The following CRABP1 variants were observed in gnomAD, a reference collection of about 807,000 sequenced individuals.
CRABP1 encodes the protein cellular retinoic acid binding protein 1.
In CRABP1, 9 loss-of-function variants were observed where a neutral mutation model predicts 16.4. The ratio of observed to expected loss-of-function variants is 0.55; its 90% CI spans 0.33 to 0.96. The LOEUF is 0.96. CRABP1 is among the 40% of genes least tolerant of loss of function. The pLI is 0.03. For synonymous variants in CRABP1, 72 were observed against 70.4 expected, an observed-to-expected ratio of 1.02 and a Z score of -0.11; for missense variants, 157 against 186.0, an observed-to-expected ratio of 0.84 and a Z score of 0.91.
chr15:78,345,529 T>C (rs796905271), intron 3 of CRABP1, among the ~76,000 whole-genome samples: 4 of 152,240 alleles, frequency 2.6e-5, no homozygotes, highest in African/African-American at 9.6e-5. Flanking sequence ...ATTTTAGAGT[T>C]TTAGAATGTA....
rs369671248 is a variant in CRABP1, at chr15:78,340,606, A to G, written c.70+108A>G. 1,091 of 1,276,198 alleles carry G rather than the reference A, an allele frequency of 8.5e-4. 12 individuals are homozygous for G. The African/African-American group carries it at 0.015, about 17-fold the overall frequency. 79.1% of individuals were successfully genotyped at this position (1,276,198 alleles called of 1,614,324 possible). ...GGGGTGGAAGTTGGGGAGCCCAGGC[A>G]GGAGGGAGTCCCCGGGGCAATAGAT... is the stretch of plus-strand genomic sequence containing the variant. On this transcript the variant is annotated intron_variant, in intron 1 of 3. Coordinates refer to ENST00000299529, the MANE Select transcript of CRABP1 (RefSeq NM_004378.3).
At chr15:78,347,834 AC>A (rs2053051472) in intron 3 of CRABP1, 92 bp from the exon 4 acceptor site, 2 of 1,160,962 alleles carry the variant, frequency 1.7e-6, no homozygotes, top group African/African-American at 3.1e-5. Context: ...AGAGTTTTTA[AC>A]AGGGCAATAA....
At chr15:78,346,515 A>C (rs563673021) in intron 3 of CRABP1, among the ~76,000 whole-genome samples, 55 of 152,308 alleles carry the variant, frequency 3.6e-4, no homozygotes, top group African/African-American at 1.3e-3. Flanking sequence ...AAAAATACCC[A>C]AAAATTAGCT....
chr15:78,343,960 C>T (rs1267715506), intron 3 of CRABP1, among the ~76,000 whole-genome samples: 1 of 152,228 alleles, frequency 6.6e-6, no homozygotes, highest in Non-Finnish European at 1.5e-5. Flanking sequence ...CCCACGCTCA[C>T]ATGGCAGAAG....
Position 78,341,143 on chromosome 15 carries a change from C to T in CRABP1, c.171C>T (p.Thr57=), listed in dbSNP as rs144623327. ...ATCAGTTCTACATCAAGACATCCAC[C>T]ACGGTGCGCACCACTGAGATCAACT... ...DGDQFYIKTS[T]TVRTTEINFK... is the part of the protein sequence containing the mutation. Residue 57 remains threonine, a synonymous_variant, in exon 2 of 4, where the codon ACC becomes ACT. Coordinates refer to ENST00000299529, the MANE Select transcript of CRABP1 (RefSeq NM_004378.3). The surrounding 1 kb of genome is among the most constrained non-coding windows in gnomAD (Gnocchi z 5.3). 4 of 1,612,908 alleles carry T rather than the reference C, an allele frequency of 2.5e-6. No homozygotes were observed. Among genetic ancestry groups the T allele is most frequent in the Non-Finnish European group, 3.4e-6 (4 of 1,179,588 alleles).
At position 78,342,000 on chromosome 15, in the gene CRABP1, A is replaced by T. The variant is rs941607764; in HGVS notation, c.249+779A>T. Reference sequence around the variant, plus strand: ...CAGAATGTCTCCCTCCCCTTCTCCAATTTTTTTTTTTTAAAGAAAAAAGTC... The same window carrying T: ...CAGAATGTCTCCCTCCCCTTCTCCATTTTTTTTTTTTTAAAGAAAAAAGTC... On this transcript the variant is annotated intron_variant, in intron 2 of 3. Coordinates refer to ENST00000299529, the MANE Select transcript of CRABP1 (RefSeq NM_004378.3). The surrounding 1 kb of genome is among the most constrained non-coding windows in gnomAD (Gnocchi z 5.3). Among the ~76,000 whole-genome samples, 14 of 147,184 alleles carry T rather than the reference A, an allele frequency of 9.5e-5. No homozygotes were observed. Among genetic ancestry groups the T allele is most frequent in the Non-Finnish European group, 1.7e-4 (11 of 66,344 alleles).
intron 3 of CRABP1, among the ~76,000 whole-genome samples, chr15:78,345,703 G>A (rs1033189959): frequency 3.3e-5 from 5 of 152,056 alleles, no homozygotes; most frequent in African/African-American, 1.2e-4. Context: ...ATTCTTCCCT[G>A]GCACAGCAAA....
intron 1 of CRABP1, chr15:78,340,739 G>GC: frequency 1.7e-6 from 1 of 603,068 alleles, no homozygotes; most frequent in Non-Finnish European, 2.9e-6. Context: ...TCGATGGTGC[G>GC]GACTTTATCT....
In CRABP1 at chr15:78,341,600, AG is replaced by A; in HGVS notation, c.249+380del. 1 of 296,414 alleles carries A rather than the reference AG, an allele frequency of 3.4e-6. No individual in the cohort carries two copies. The highest frequency in any genetic ancestry group is 1.2e-3 in the Middle Eastern group (1 of 810). The allele number at this position is 296,414 out of a possible 1,614,324, so 18.4% of individuals were successfully genotyped here. A position where few individuals can be genotyped will look rare whatever the true frequency, so the allele number is the denominator to read the frequency against. ...GGTTCTCTGTCGCAGGTGAAGCCGC[AG>A]CTCTTGCATTCCTTTCCCGCCGTAT... On this transcript the variant is annotated intron_variant, in intron 2 of 3. Coordinates refer to ENST00000299529, the MANE Select transcript of CRABP1 (RefSeq NM_004378.3). This position sits in a 1 kb window ranked among gnomAD's most constrained non-coding sequence, Gnocchi z 5.3.
Position 78,340,356 on chromosome 15 carries a change from C to A in CRABP1, c.-73C>A. ...GCAGCGCTGGGCGCAAAGCGCCAGT[C>A]TCCGCCTTGCGAGCTCAGAGTGTGC... On this transcript the variant is annotated 5_prime_UTR_variant, in exon 1 of 4. Coordinates refer to ENST00000299529, the MANE Select transcript of CRABP1 (RefSeq NM_004378.3). 6.6e-7 allele frequency: 1 copy of A among 1,526,660 alleles called. No individual in the cohort carries two copies. Among genetic ancestry groups the A allele is most frequent in the South Asian group, 1.2e-5 (1 of 82,408 alleles). 94.6% of individuals were successfully genotyped at this position (1,526,660 alleles called of 1,614,324 possible). A position where few individuals can be genotyped will look rare whatever the true frequency, so the allele number is the denominator to read the frequency against.
Position 78,347,988 on chromosome 15 carries a change from C to T in CRABP1, c.*11C>T, listed in dbSNP as rs1431847933. 6.2e-7 allele frequency: 1 copy of T among 1,613,658 alleles called. No individual in the cohort carries two copies. The highest frequency in any genetic ancestry group is 8.5e-7 in the Non-Finnish European group (1 of 1,179,810). On this transcript the variant is annotated 3_prime_UTR_variant, in exon 4 of 4. Transcript: ENST00000299529. ...TATGTCCGAGAGTGAAGGCAGCTGG[C>T]TTGCTCCTACTTTCAGGAAGGGATG...
Position 78,347,942 on chromosome 15 carries a change from GA to G in CRABP1, c.380del (p.Asp127AlafsTer28). 1 of 1,614,186 alleles carries G rather than the reference GA, an allele frequency of 6.2e-7. No homozygotes were observed. The highest frequency in any genetic ancestry group is 1.1e-5 in the South Asian group (1 of 91,074). On this transcript the variant is annotated frameshift_variant, in exon 4 of 4. Transcript: ENST00000299529. LOFTEE classifies it high-confidence loss of function. ...DELILTFGADDVVCTRIYVRE is the reference protein window; with the variant it reads ...DELILTFGADXVVCTRIYVRE ...TTCTCTGCAGACGTTTGGCGCCGATGACGTGGTCTGCACCAGAATTTATGTC... is the reference window on the plus strand; with the variant it reads ...TTCTCTGCAGACGTTTGGCGCCGATGCGTGGTCTGCACCAGAATTTATGTC...
Position 78,341,297 on chromosome 15 carries a change from G to C in CRABP1, c.249+76G>C, listed in dbSNP as rs534014527. Reference sequence around the variant, plus strand: ...TGGCCCACTGCTGCTGGAGGAACCTGTGTCTCCCTTTGCAGCCTGTGGCGC... The same window carrying C: ...TGGCCCACTGCTGCTGGAGGAACCTCTGTCTCCCTTTGCAGCCTGTGGCGC... On this transcript the variant is annotated intron_variant, in intron 2 of 3. Coordinates refer to ENST00000299529, the MANE Select transcript of CRABP1 (RefSeq NM_004378.3). The surrounding 1 kb of genome is among the most constrained non-coding windows in gnomAD (Gnocchi z 5.3). The C allele has an allele frequency of 6.6e-6, 10 of 1,519,054 alleles. No individual in the cohort carries two copies. In the African/African-American group the frequency reaches 1.4e-4, roughly 21 times the overall value. 94.1% of individuals were successfully genotyped at this position (1,519,054 alleles called of 1,614,324 possible).
At position 78,341,303 on chromosome 15, in the gene CRABP1, C is replaced by G. The variant is rs1225979184; in HGVS notation, c.249+82C>G. 1 of 1,484,200 alleles carries G rather than the reference C, an allele frequency of 6.7e-7. No individual in the cohort carries two copies. The highest frequency in any genetic ancestry group is 9.2e-7 in the Non-Finnish European group (1 of 1,084,084). 91.9% of individuals were successfully genotyped at this position (1,484,200 alleles called of 1,614,324 possible). On this transcript the variant is annotated intron_variant, in intron 2 of 3. Coordinates refer to ENST00000299529, the MANE Select transcript of CRABP1 (RefSeq NM_004378.3). The surrounding 1 kb of genome is among the most constrained non-coding windows in gnomAD (Gnocchi z 5.3). ...ACTGCTGCTGGAGGAACCTGTGTCT[C>G]CCTTTGCAGCCTGTGGCGCGCCTTC...
At chr15:78,343,697 C>T (rs562401004) in intron 3 of CRABP1, 85 bp downstream of exon 3, 19 of 951,892 alleles carry the variant, frequency 2.0e-5, no homozygotes, top group Admixed American at 9.6e-5. Context: ...CCTCCTCACT[C>T]GGCCGTTCAG....
At chr15:78,347,680 T>C in intron 3 of CRABP1, 1 of 410,536 alleles carries the variant, frequency 2.4e-6, no homozygotes, top group South Asian at 4.5e-5. Flanking sequence ...GTCAGCATTT[T>C]ACAGGTTCCA....
chr15:78,340,974 C>T (rs745873445), intron 1 of CRABP1, 69 bp from the exon 2 acceptor site: 2 of 1,497,862 alleles, frequency 1.3e-6, no homozygotes, highest in Middle Eastern at 2.4e-4. Flanking sequence ...AGGGTATGAC[C>T]AGTGCCCGAC....
intron 3 of CRABP1, among the ~76,000 whole-genome samples, chr15:78,344,999 G>T (rs2050257659): frequency 6.6e-6 from 1 of 152,016 alleles, no homozygotes; most frequent in African/African-American, 2.4e-5. Context: ...AAAAGGGAAA[G>T]CTGTTTTGGG....
chr15:78,346,543 C>T (rs1396691334), intron 3 of CRABP1, among the ~76,000 whole-genome samples: 1 of 152,194 alleles, frequency 6.6e-6, no homozygotes, highest in Non-Finnish European at 1.5e-5. Flanking sequence ...GTGGTGTATG[C>T]CTGTAATCCC....
Sources: allele counts gnomAD v4.1 joint callset (sites outside exome capture counted in the v4.1 genomes callset), GRCh38; gene constraint gnomAD v4.1.1; non-coding constraint Gnocchi (gnomAD v3.1); transcripts MANE v1.5; gene names NCBI Gene and HGNC (gene_info 2026-07-23, HGNC 2026-07-21).